ZWILCH: variants seen among roughly 807,000 people sequenced by gnomAD.
ZWILCH encodes zwilch kinetochore protein.
ZWILCH carries 74 observed loss-of-function variants against 79.9 expected under a neutral mutation model. The observed-to-expected ratio is 0.93, with a 90% CI of 0.77 to 1.12. The LOEUF is 1.12. ZWILCH is among the 50% of genes most tolerant of loss of function. The probability of loss-of-function intolerance (pLI) is 0.00; values close to 1 mark genes in which losing one functional copy is unlikely to be tolerated. For missense variants in ZWILCH, 694 were observed against 687.5 expected, an observed-to-expected ratio of 1.01 and a Z score of -0.11; for synonymous variants, 241 against 228.2, an observed-to-expected ratio of 1.06 and a Z score of -0.51.
chr15:66,534,660 C>T (rs1894955301), intron 14 of ZWILCH, among the ~76,000 whole-genome samples: 2 of 151,930 alleles, frequency 1.3e-5, no homozygotes, highest in African/African-American at 2.4e-5. Flanking sequence ...AGAAGGGGTA[C>T]AGTAAAAATA....
chr15:66,522,059 G>A (rs901556427), intron 7 of ZWILCH, among the ~76,000 whole-genome samples: 10 of 151,902 alleles, frequency 6.6e-5, no homozygotes, highest in Non-Finnish European at 1.5e-4. Flanking sequence ...TTAGCTGGGT[G>A]TGGTGTTGTG....
At chr15:66,531,231 G>C (rs1010826364) in intron 12 of ZWILCH, among the ~76,000 whole-genome samples, 1 of 152,120 alleles carries the variant, frequency 6.6e-6, no homozygotes, top group Non-Finnish European at 1.5e-5. Context: ...GGACCATTGA[G>C]GGAGCTTGTT....
At chr15:66,508,623 G>C in intron 1 of ZWILCH, 1 of 874,474 alleles carries the variant, frequency 1.1e-6, no homozygotes, top group Non-Finnish European at 1.6e-6. Context: ...ATTAATCTCT[G>C]TCACAGTTTT....
intron 2 of ZWILCH, among the ~76,000 whole-genome samples, chr15:66,513,727 A>G (rs552160831): frequency 6.6e-6 from 1 of 152,032 alleles, no homozygotes; most frequent in Admixed American, 6.5e-5. Flanking sequence ...GCCCGCCACC[A>G]CGCCTGGCTA....
chr15:66,550,100 T>C lies in ZWILCH; in HGVS notation c.*1776T>C, dbSNP rs1329395580. On this transcript the variant is annotated 3_prime_UTR_variant, in exon 19 of 19. Transcript: ENST00000307897. ...TTCCAAAGCTTTGAGGTACCAACTT[T>C]CCACCTAATAAAAACCCACTTGATA... The C allele has an allele frequency of 3.1e-6, 5 of 1,596,994 alleles. No homozygotes were observed. Among genetic ancestry groups the C allele is most frequent in the Non-Finnish European group, 3.4e-6 (4 of 1,172,698 alleles).
chr15:66,529,621 G>T, intron 12 of ZWILCH, 48 bp downstream of exon 12: 1 of 1,441,294 alleles, frequency 6.9e-7, no homozygotes, highest in Non-Finnish European at 9.7e-7. Flanking sequence ...AGCATAGCAT[G>T]ATGTAAAGAC....
chr15:66,549,894 G>A lies in ZWILCH; in HGVS notation c.*1570G>A. The A allele has an allele frequency of 2.1e-6, 1 of 485,218 alleles. No homozygotes were observed. The highest frequency in any genetic ancestry group is 3.7e-6 in the Non-Finnish European group (1 of 272,162). The allele number at this position is 485,218 out of a possible 1,614,324, so 30.1% of individuals were successfully genotyped here. Reference sequence around the variant, plus strand: ...TTAAAATGCTTATAAATAGAAATTTGACATTGCTTCAAAGAAACCTGATTT... The same window carrying A: ...TTAAAATGCTTATAAATAGAAATTTAACATTGCTTCAAAGAAACCTGATTT... On this transcript the variant is annotated 3_prime_UTR_variant, in exon 19 of 19. Coordinates refer to ENST00000307897, the MANE Select transcript of ZWILCH (RefSeq NM_017975.5).
intron 14 of ZWILCH, among the ~76,000 whole-genome samples, chr15:66,534,717 T>C (rs910175793): frequency 2.0e-5 from 3 of 152,158 alleles, no homozygotes; most frequent in African/African-American, 2.4e-5. Flanking sequence ...GCACTTACCA[T>C]GAATGGAGCT....
At chr15:66,531,923 C>T (rs537212446) in intron 12 of ZWILCH, among the ~76,000 whole-genome samples, 1 of 152,068 alleles carries the variant, frequency 6.6e-6, no homozygotes, top group African/African-American at 2.4e-5. Flanking sequence ...AAAAATTAGC[C>T]AGGTGCAGTG....
At chr15:66,507,382 C>G (rs1341371115) in intron 1 of ZWILCH, among the ~76,000 whole-genome samples, 2 of 152,180 alleles carry the variant, frequency 1.3e-5, no homozygotes, top group Non-Finnish European at 1.5e-5. Context: ...TCCATCCATG[C>G]TCTTTTCATT....
chr15:66,536,736 GT>G (rs947967775), intron 15 of ZWILCH, among the ~76,000 whole-genome samples: 51 of 148,564 alleles, frequency 3.4e-4, no homozygotes, highest in Middle Eastern at 3.5e-3. Context: ...TCCAAGTTTT[GT>G]TTTTTTTTTC....
At chr15:66,531,337 T>C (rs1894846529) in intron 12 of ZWILCH, among the ~76,000 whole-genome samples, 1 of 152,172 alleles carries the variant, frequency 6.6e-6, no homozygotes, top group Non-Finnish European at 1.5e-5. Context: ...AGTTGTAAAG[T>C]TTCAAAGGAA....
At chr15:66,541,187 C>T (rs978287758) in intron 17 of ZWILCH, among the ~76,000 whole-genome samples, 4 of 151,522 alleles carry the variant, frequency 2.6e-5, no homozygotes, top group African/African-American at 9.7e-5. Flanking sequence ...ACTCAGGAGG[C>T]TGAGGCGGGA....
Position 66,548,444 on chromosome 15 carries a change from G to A in ZWILCH, c.*120G>A, listed in dbSNP as rs1435381379. On this transcript the variant is annotated 3_prime_UTR_variant, in exon 19 of 19. Transcript: ENST00000307897. ...ACCCTCAAAGCAGAAAAGGGAGGAA[G>A]ATCCTGAAGATTCTCTTATGAAGCT... is the stretch of plus-strand genomic sequence containing the variant. 2 of 1,014,338 alleles carry A rather than the reference G, an allele frequency of 2.0e-6. No individual in the cohort carries two copies. The allele number at this position is 1,014,338 out of a possible 1,614,324, so 62.8% of individuals were successfully genotyped here.
chr15:66,550,125 A>G lies in ZWILCH; in HGVS notation c.*1801A>G. 1.3e-6 allele frequency: 2 copies of G among 1,538,052 alleles called. No homozygotes were observed. ...TCCACCTAATAAAAACCCACTTGAT[A>G]AGTAATGTTGTCTTAGACTAATTTT... is the stretch of plus-strand genomic sequence containing the variant. On this transcript the variant is annotated 3_prime_UTR_variant, in exon 19 of 19. Transcript: ENST00000307897.
chr15:66,505,619 G>A, intron 1 of ZWILCH: 1 of 557,982 alleles, frequency 1.8e-6, no homozygotes, highest in South Asian at 2.4e-5. Context: ...CGAGATGGAA[G>A]GTGGCAAGTG....
At chr15:66,515,200 C>T (rs1894208364) in intron 3 of ZWILCH, among the ~76,000 whole-genome samples, 1 of 152,080 alleles carries the variant, frequency 6.6e-6, no homozygotes, top group Admixed American at 6.6e-5. Context: ...TTCTCCTCCT[C>T]AGTCTCCCAG....
chr15:66,533,378 T>A (rs1419208539), intron 14 of ZWILCH, among the ~76,000 whole-genome samples: 1 of 152,220 alleles, frequency 6.6e-6, no homozygotes, highest in Non-Finnish European at 1.5e-5. Flanking sequence ...GAAAGTTTAT[T>A]TTCCAAATAA....
intron 5 of ZWILCH, 121 bp from the exon 6 acceptor site, chr15:66,520,469 A>T (rs1043038937): frequency 3.0e-6 from 2 of 657,312 alleles, no homozygotes; most frequent in African/African-American, 3.7e-5. Context: ...TTTAAAATTT[A>T]ATTTTAACAG....
Sources: allele counts gnomAD v4.1 joint callset (sites outside exome capture counted in the v4.1 genomes callset), GRCh38; gene constraint gnomAD v4.1.1; transcripts MANE v1.5; gene names NCBI Gene and HGNC (gene_info 2026-07-23, HGNC 2026-07-21).